Variants in TENM4 observed in about 807,000 individuals in gnomAD.
The protein encoded by TENM4 is teneurin transmembrane protein 4.
Under a neutral mutation model 243.3 loss-of-function variants are expected in TENM4, and 82 were observed. The observed-to-expected ratio is 0.34, with a 90% CI of 0.28 to 0.40. The LOEUF is 0.40. TENM4 is among the 10% of genes least tolerant of loss of function. The pLI, the probability that TENM4 is intolerant of heterozygous loss-of-function variation, is 1.00. For synonymous variants in TENM4, 1,412 were observed against 1,456.3 expected (o/e 0.97, Z 0.69); for missense variants, 3,138 against 3,673.3 (o/e 0.85, Z 3.77).
At chr11:79,340,441 C>T (rs1477369307) in intron 1 of TENM4, among the ~76,000 whole-genome samples, 2 of 152,134 alleles carry the variant, frequency 1.3e-5, no homozygotes, top group Admixed American at 6.5e-5. Flanking sequence ...GACATACACA[C>T]TACAAGCTGG....
intron 15 of TENM4, among the ~76,000 whole-genome samples, chr11:78,798,554 T>C (rs1056429286): frequency 6.6e-6 from 1 of 152,142 alleles, no homozygotes; most frequent in Admixed American, 6.5e-5. Context: ...CAATGTTCAT[T>C]GACAATTATT....
At chr11:78,894,754 A>T (rs1855748502) in intron 7 of TENM4, among the ~76,000 whole-genome samples, 1 of 152,126 alleles carries the variant, frequency 6.6e-6, no homozygotes, top group African/African-American at 2.4e-5. Context: ...GCACTTTGGG[A>T]GGCTGAGGCA....
intron 3 of TENM4, among the ~76,000 whole-genome samples, chr11:79,198,890 G>T (rs1234095683): frequency 6.6e-6 from 1 of 152,202 alleles, no homozygotes; most frequent in South Asian, 2.1e-4. Flanking sequence ...GACCTGATCT[G>T]CCTGGTCTGG....
intron 30 of TENM4, among the ~76,000 whole-genome samples, chr11:78,672,794 C>T (rs889525234): frequency 2.6e-5 from 4 of 152,112 alleles, no homozygotes; most frequent in East Asian, 1.9e-4. Flanking sequence ...CCCTGGATCT[C>T]GTGGCTGGTG....
intron 3 of TENM4, among the ~76,000 whole-genome samples, chr11:79,179,953 C>T (rs778220759): frequency 1.6e-4 from 24 of 151,676 alleles, no homozygotes; most frequent in Non-Finnish European, 3.1e-4. Context: ...TAAAGATCTC[C>T]TTACCATGGG....
At chr11:78,879,476 G>A (rs1235503982) in intron 9 of TENM4, among the ~76,000 whole-genome samples, 2 of 133,574 alleles carry the variant, frequency 1.5e-5, no homozygotes, top group Non-Finnish European at 1.6e-5. Context: ...ACACCGTCTG[G>A]GAGGTGAGGA....
chr11:78,906,722 A>G (rs1156381171), intron 6 of TENM4, among the ~76,000 whole-genome samples: 1 of 152,200 alleles, frequency 6.6e-6, no homozygotes, highest in East Asian at 1.9e-4. Flanking sequence ...GAATGCTGAC[A>G]GCAGGCAACC....
intron 28 of TENM4, among the ~76,000 whole-genome samples, chr11:78,699,184 TAATC>T (rs1027119322): frequency 1.3e-5 from 2 of 152,236 alleles, no homozygotes; most frequent in African/African-American, 2.4e-5. Flanking sequence ...TGAGTACTTA[TAATC>T]AATCAGACAC....
At chr11:79,179,132 A>G (rs2135134810) in intron 3 of TENM4, among the ~76,000 whole-genome samples, 1 of 152,348 alleles carries the variant, frequency 6.6e-6, no homozygotes, top group Admixed American at 6.5e-5. Flanking sequence ...TATATTTTGT[A>G]CATTTTGGAA....
At chr11:79,011,039 G>T (rs1858628485) in intron 6 of TENM4, among the ~76,000 whole-genome samples, 1 of 152,218 alleles carries the variant, frequency 6.6e-6, no homozygotes, top group Admixed American at 6.5e-5. Context: ...ATAGTAGAAT[G>T]TTTGATGTGT....
rs577817175 is a variant in TENM4, at chr11:78,772,871, G to C, written c.2393-1733C>G. On this transcript the variant is annotated intron_variant, in intron 17 of 33. Transcript: ENST00000278550. ...GAAGTTAGAAGTGTATGTAGACTATGGGTTTCTGTATAGCAGAAGCCTGCT... is the reference window on the plus strand; with the variant it reads ...GAAGTTAGAAGTGTATGTAGACTATCGGTTTCTGTATAGCAGAAGCCTGCT... 2.4e-3 allele frequency among the ~76,000 whole-genome samples: 369 copies of C among 152,332 alleles called. 2 individuals carry two copies. The highest frequency in any genetic ancestry group is 4.4e-3 in the Non-Finnish European group (300 of 68,028).
intron 2 of TENM4, among the ~76,000 whole-genome samples, chr11:79,268,317 T>C (rs1434010214): frequency 1.3e-5 from 2 of 152,240 alleles, no homozygotes; most frequent in Non-Finnish European, 2.9e-5. Context: ...GAATAGACTG[T>C]GTTTCAGTAA....
At chr11:78,798,756 C>G (rs575635129) in intron 15 of TENM4, among the ~76,000 whole-genome samples, 1 of 152,138 alleles carries the variant, frequency 6.6e-6, no homozygotes. Flanking sequence ...GCCCTCTCCT[C>G]CTTGGCCACC....
chr11:78,677,771 A>G (rs1387630373), intron 29 of TENM4, among the ~76,000 whole-genome samples: 1 of 151,196 alleles, frequency 6.6e-6, no homozygotes, highest in African/African-American at 2.5e-5. Context: ...TCTAACTTAG[A>G]TTCTTTTTTT....
chr11:78,822,791 C>T (rs1187631679), intron 12 of TENM4, among the ~76,000 whole-genome samples: 1 of 152,112 alleles, frequency 6.6e-6, no homozygotes, highest in East Asian at 1.9e-4. Flanking sequence ...GGCTGATTTA[C>T]ATTTTATTAC....
At chr11:79,109,103 G>A (rs1861443205) in intron 4 of TENM4, among the ~76,000 whole-genome samples, 1 of 152,154 alleles carries the variant, frequency 6.6e-6, no homozygotes, top group Non-Finnish European at 1.5e-5. Context: ...GCCTACAGAG[G>A]GATGTTAACA....
chr11:79,002,966 G>A (rs1003015317), intron 6 of TENM4, among the ~76,000 whole-genome samples: 2 of 152,074 alleles, frequency 1.3e-5, no homozygotes, highest in African/African-American at 4.8e-5. Context: ...TGATCTGATA[G>A]AGCTGATCTG....
rs1263319697 is a variant in TENM4, at chr11:78,771,044, G to A, written c.2487C>T (p.Gly829=). Residue 829 remains glycine, a synonymous_variant, in exon 18 of 34, where the codon GGC becomes GGT. Transcript: ENST00000278550. ...AGGCAGTCTCCATGGAAGTGTCACA[G>A]CCAGCTCCTCTCCAGCCCAGCTGGC... The part of the protein sequence containing the change: ...CVCQLGWRGA[G]CDTSMETACG... 1.3e-6 allele frequency: 2 copies of A among 1,582,028 alleles called. No individual in the cohort carries two copies. Among genetic ancestry groups the A allele is most frequent in the Admixed American group, 3.6e-5 (2 of 55,478 alleles).
At chr11:79,259,502 C>A (rs1273089459) in intron 2 of TENM4, among the ~76,000 whole-genome samples, 1 of 107,384 alleles carries the variant, frequency 9.3e-6, no homozygotes. Context: ...TCTATCCATG[C>A]ATCCATCCAT....
Sources: gnomAD v4.1 joint callset for allele counts (sites outside exome capture counted in the v4.1 genomes callset) on GRCh38, gnomAD v4.1.1 for gene constraint, MANE v1.5 for transcripts, NCBI Gene and HGNC (gene_info 2026-07-23, HGNC 2026-07-21) for gene names.